The following TMEM175 variants were observed in gnomAD, a reference collection of about 807,000 sequenced individuals.
The protein encoded by TMEM175 is endosomal/lysosomal proton channel TMEM175.
In TMEM175, 36 loss-of-function variants were observed where a neutral mutation model predicts 36.5. That is an observed-to-expected ratio of 0.99 (90% CI 0.76 to 1.30). The LOEUF (loss-of-function observed/expected upper bound fraction) is 1.30, where lower values mean the gene tolerates loss of function less well. TMEM175 is among the 50% of genes most tolerant of loss of function. TMEM175 has a pLI of 0.00. For synonymous variants in TMEM175, 339 were observed against 313.4 expected (o/e 1.08, Z -0.86); for missense variants, 705 against 692.8 (o/e 1.02, Z -0.20).
intron 1 of TMEM175, among the ~76,000 whole-genome samples, chr4:943,051 T>C (rs1361230810): frequency 6.6e-6 from 1 of 152,096 alleles, no homozygotes; most frequent in African/African-American, 2.4e-5. Flanking sequence ...TTAACTAGAA[T>C]ATAAAGAACT....
At chr4:942,570 A>G (rs1357016980) in intron 1 of TMEM175, among the ~76,000 whole-genome samples, 5 of 151,696 alleles carry the variant, frequency 3.3e-5, no homozygotes, top group African/African-American at 1.2e-4. Flanking sequence ...GAAATCAGAA[A>G]GTGGGAGTGC....
chr4:955,713 A>G (rs752174427), intron 9 of TMEM175, 42 bp from the exon 10 acceptor site: 3 of 1,601,968 alleles, frequency 1.9e-6, no homozygotes, highest in East Asian at 2.2e-5. Context: ...CTACCTCCAC[A>G]TGGGGGGTTT....
At chr4:933,234 C>T (rs1441523749) in intron 1 of TMEM175, among the ~76,000 whole-genome samples, 4 of 152,030 alleles carry the variant, frequency 2.6e-5, no homozygotes, top group Non-Finnish European at 4.4e-5. Flanking sequence ...ATGCCAGGCG[C>T]GGTGGCTTAC....
At chr4:952,121 TG>T in intron 6 of TMEM175, 1 of 596,366 alleles carries the variant, frequency 1.7e-6, no homozygotes, top group Middle Eastern at 4.4e-4. Flanking sequence ...AACTGGGGTC[TG>T]GGGAATTCCG....
chr4:948,309 G>C, intron 3 of TMEM175, 155 bp downstream of exon 3: 1 of 1,551,664 alleles, frequency 6.4e-7, no homozygotes, highest in South Asian at 1.2e-5. Context: ...GGAAAGGGAG[G>C]GAGCCAACAA....
At chr4:945,460 G>A (rs367743699) in intron 1 of TMEM175, among the ~76,000 whole-genome samples, 16 of 152,058 alleles carry the variant, frequency 1.1e-4, no homozygotes, top group African/African-American at 3.1e-4. Context: ...GTCGCCTCAC[G>A]CCCACCACCC....
chr4:953,772 A>G lies in TMEM175; in HGVS notation c.627+418A>G, dbSNP rs527469957. On this transcript the variant is annotated intron_variant, in intron 8 of 10. Coordinates refer to ENST00000264771, the MANE Select transcript of TMEM175 (RefSeq NM_032326.4). ...GTGATCTTGGCTCACCACAGCCTCG[A>G]CCTCCCGGGCTCAAGTGATTCTCTC... 9.2e-5 allele frequency among the ~76,000 whole-genome samples: 14 copies of G among 152,108 alleles called. No individual in the cohort carries two copies. In the East Asian group the frequency reaches 2.7e-3, roughly 29 times the overall value.
intron 1 of TMEM175, among the ~76,000 whole-genome samples, chr4:946,589 C>T (rs978362126): frequency 3.3e-5 from 5 of 152,306 alleles, no homozygotes; most frequent in Non-Finnish European, 5.9e-5. Flanking sequence ...GTTCTGTCTC[C>T]GTGAGGCGCT....
intron 1 of TMEM175, among the ~76,000 whole-genome samples, chr4:935,635 A>G (rs1014829589): frequency 1.1e-4 from 17 of 152,270 alleles, no homozygotes; most frequent in Non-Finnish European, 1.6e-4. Context: ...CTGAGGATAT[A>G]GGCGACTTGA....
At position 958,601 on chromosome 4, in the gene TMEM175, C is replaced by T. The variant is rs561663030; in HGVS notation, c.*105C>T. The T allele has an allele frequency of 3.0e-5, 27 of 905,034 alleles. No individual in the cohort carries two copies. Among genetic ancestry groups the T allele is most frequent in the South Asian group, 1.2e-4 (7 of 56,264 alleles). The allele number at this position is 905,034 out of a possible 1,614,324, so 56.1% of individuals were successfully genotyped here. On this transcript the variant is annotated 3_prime_UTR_variant, in exon 11 of 11. Coordinates refer to ENST00000264771, the MANE Select transcript of TMEM175 (RefSeq NM_032326.4). Reference sequence around the variant, plus strand: ...CACGGGCAGGCCGCAGTGGTTCTTGCGTGGCCTGGTTTTATTTTCATTGTG... The same window carrying T: ...CACGGGCAGGCCGCAGTGGTTCTTGTGTGGCCTGGTTTTATTTTCATTGTG...
intron 1 of TMEM175, among the ~76,000 whole-genome samples, chr4:940,105 T>C (rs1031304447): frequency 6.6e-6 from 1 of 152,210 alleles, no homozygotes; most frequent in African/African-American, 2.4e-5. Context: ...CCATACTGTA[T>C]GATTCTAACT....
chr4:952,987 A>C (rs1182669803), intron 7 of TMEM175, among the ~76,000 whole-genome samples: 2 of 151,598 alleles, frequency 1.3e-5, no homozygotes, highest in African/African-American at 4.9e-5. Context: ...CTGTGCCCAA[A>C]GTGTCCCAGG....
intron 10 of TMEM175, among the ~76,000 whole-genome samples, chr4:957,309 C>A (rs1729810474): frequency 2.0e-5 from 3 of 152,362 alleles, no homozygotes; most frequent in African/African-American, 7.2e-5. Context: ...CGTCAGAAGG[C>A]AGCAGCCCTG....
chr4:950,526 C>A lies in TMEM175; in HGVS notation c.290+8C>A. On this transcript the variant is annotated splice_region_variant and intron_variant, in intron 4 of 10. Coordinates refer to ENST00000264771, the MANE Select transcript of TMEM175 (RefSeq NM_032326.4). ...CTGGGCAGCACACACAAGGTGGGGG[C>A]CCGGGCGCTTCCAGCGGTCCATAGC... The A allele has an allele frequency of 6.2e-7, 1 of 1,611,096 alleles. No homozygotes were observed. Among genetic ancestry groups the A allele is most frequent in the Non-Finnish European group, 8.5e-7 (1 of 1,177,546 alleles).
Position 942,213 on chromosome 4 carries a change from C to T in TMEM175, c.-31-5496C>T, listed in dbSNP as rs541398819. Among the ~76,000 whole-genome samples the T allele has an allele frequency of 2.6e-5, 4 of 152,006 alleles. No homozygotes were observed. The East Asian group carries it at 5.8e-4, about 22-fold the overall frequency. On this transcript the variant is annotated intron_variant, in intron 1 of 10. Transcript: ENST00000264771. ...AGCTGAGTAGCTGGGACTACAGGCACGTGCAACCATGCCCAGCTAATTTTT... is the reference window on the plus strand; with the variant it reads ...AGCTGAGTAGCTGGGACTACAGGCATGTGCAACCATGCCCAGCTAATTTTT...
intron 6 of TMEM175, 82 bp downstream of exon 6, chr4:951,799 G>T: frequency 6.9e-7 from 1 of 1,443,672 alleles, no homozygotes; most frequent in South Asian, 1.1e-5. Context: ...CAGACCAGCT[G>T]GATGGCCCAG....
At position 955,744 on chromosome 4, in the gene TMEM175, C is replaced by A. The variant is rs748215835; in HGVS notation, c.707-11C>A. ...GGTTTGGCCAGCTCCACCCTCCTGG[C>A]GTGTCCCCAGGCCACAGGGAGCCCT... On this transcript the variant is annotated splice_polypyrimidine_tract_variant and intron_variant, in intron 9 of 10. Coordinates refer to ENST00000264771, the MANE Select transcript of TMEM175 (RefSeq NM_032326.4). 6.2e-7 allele frequency: 1 copy of A among 1,611,876 alleles called. No individual in the cohort carries two copies. Among genetic ancestry groups the A allele is most frequent in the Non-Finnish European group, 8.5e-7 (1 of 1,179,120 alleles).
chr4:932,748 G>A lies in TMEM175; in HGVS notation c.-32+208G>A, dbSNP rs956705285. Among the ~76,000 whole-genome samples the A allele has an allele frequency of 2.0e-5, 3 of 152,268 alleles. No individual in the cohort carries two copies. Among genetic ancestry groups the A allele is most frequent in the East Asian group, 3.8e-4 (2 of 5,198 alleles). On this transcript the variant is annotated intron_variant, in intron 1 of 10. Coordinates refer to ENST00000264771, the MANE Select transcript of TMEM175 (RefSeq NM_032326.4). The surrounding 1 kb of genome is among the most constrained non-coding windows in gnomAD (Gnocchi z 4.0). ...GGAGCAAGGAGTTAGCGTGCGTTAA[G>A]CTTTCAGTAAATACTTGGTTTTCGT...
intron 1 of TMEM175, among the ~76,000 whole-genome samples, chr4:934,394 C>G (rs1016407885): frequency 1.3e-5 from 2 of 151,914 alleles, no homozygotes; most frequent in Non-Finnish European, 2.9e-5. Flanking sequence ...GAGAGTGCAG[C>G]TAAGAGTGTC....
Sources: gnomAD v4.1 joint callset for allele counts (sites outside exome capture counted in the v4.1 genomes callset) on GRCh38, gnomAD v4.1.1 for gene constraint, Gnocchi (gnomAD v3.1) non-coding constraint, MANE v1.5 for transcripts, NCBI Gene and HGNC (gene_info 2026-07-23, HGNC 2026-07-21) for gene names.